MALRD1: variants seen among roughly 807,000 people sequenced by gnomAD.
MALRD1 encodes the protein MAM and LDL-receptor class A domain-containing protein 1.
MALRD1 carries 247 observed loss-of-function variants against 242.1 expected under a neutral mutation model. The observed-to-expected ratio is 1.02, with a 90% CI of 0.92 to 1.13. MALRD1 has a LOEUF of 1.13. MALRD1 is among the 50% of genes most tolerant of loss of function. The pLI, the probability that MALRD1 is intolerant of heterozygous loss-of-function variation, is 0.00. For missense variants in MALRD1, 2,989 were observed against 2,533.1 expected, an observed-to-expected ratio of 1.18 and a Z score of -3.86; for synonymous variants, 995 against 866.6, an observed-to-expected ratio of 1.15 and a Z score of -2.60.
intron 26 of MALRD1, among the ~76,000 whole-genome samples, chr10:19,386,347 G>T (rs1846071012): frequency 1.3e-5 from 2 of 151,826 alleles, no homozygotes; most frequent in East Asian, 3.9e-4. Context: ...GCAGGGTGGG[G>T]CTACCACCTT....
At chr10:19,539,897 T>TGTGTGTGTGTGTGTGTGTGC (rs1365113182) in intron 32 of MALRD1, among the ~76,000 whole-genome samples, 2 of 44,402 alleles carry the variant, frequency 4.5e-5, no homozygotes, top group African/African-American at 1.3e-4. Flanking sequence ...TGTGTGTGTG[T>TGTGTGTGTGTGTGTGTGTGC]GCGCGCGCGC....
At chr10:19,672,621 G>C (rs1352007391) in intron 36 of MALRD1, among the ~76,000 whole-genome samples, 1 of 151,742 alleles carries the variant, frequency 6.6e-6, no homozygotes, top group Non-Finnish European at 1.5e-5. Context: ...AAGGGGTTTT[G>C]CCATGTTGGC....
At chr10:19,155,690 G>T (rs1834117517) in intron 12 of MALRD1, among the ~76,000 whole-genome samples, 1 of 152,134 alleles carries the variant, frequency 6.6e-6, no homozygotes, top group South Asian at 2.1e-4. Flanking sequence ...TTCTAACTGT[G>T]GCTCAGACAA....
chr10:19,634,772 A>G (rs1450721353), intron 36 of MALRD1, among the ~76,000 whole-genome samples: 9 of 152,172 alleles, frequency 5.9e-5, no homozygotes, highest in Admixed American at 5.2e-4. Flanking sequence ...TCAGAACGCT[A>G]TAAAAACTTA....
intron 28 of MALRD1, among the ~76,000 whole-genome samples, chr10:19,391,222 G>T (rs1010706601): frequency 1.3e-5 from 2 of 152,020 alleles, no homozygotes; most frequent in East Asian, 3.9e-4. Context: ...TCTTCCTACT[G>T]TGCACACACA....
intron 31 of MALRD1, among the ~76,000 whole-genome samples, chr10:19,500,336 T>C (rs574437298): frequency 1.3e-5 from 2 of 152,298 alleles, no homozygotes; most frequent in East Asian, 3.9e-4. Context: ...ATCAAGAAAC[T>C]AAGGTCAGTA....
intron 36 of MALRD1, among the ~76,000 whole-genome samples, chr10:19,646,714 ACACT>A (rs994564703): frequency 6.6e-6 from 1 of 152,194 alleles, no homozygotes; most frequent in Non-Finnish European, 1.5e-5. Context: ...TGTATCCCTG[ACACT>A]CAAAACAGTG....
intron 29 of MALRD1, among the ~76,000 whole-genome samples, chr10:19,472,277 T>C (rs1401511781): frequency 6.6e-6 from 1 of 152,092 alleles, no homozygotes; most frequent in African/African-American, 2.4e-5. Context: ...TATGATCCTT[T>C]CAGTGTGCTG....
chr10:19,350,849 G>A (rs1245807005), intron 25 of MALRD1, among the ~76,000 whole-genome samples: 3 of 152,062 alleles, frequency 2.0e-5, no homozygotes, highest in African/African-American at 7.2e-5. Context: ...GGTGGTCCTG[G>A]GATGCTGTCT....
intron 26 of MALRD1, among the ~76,000 whole-genome samples, chr10:19,376,332 T>C (rs774125219): frequency 1.9e-4 from 29 of 152,122 alleles, no homozygotes; most frequent in Admixed American, 9.2e-4. Flanking sequence ...GTGTTGCACT[T>C]GAGTTCCTGC....
rs369523475 is a variant in MALRD1, at chr10:19,095,743, A to G, written c.597+7558A>G. Among the ~76,000 whole-genome samples, 6 of 152,252 alleles carry G rather than the reference A, an allele frequency of 3.9e-5. No homozygotes were observed. In the East Asian group the frequency reaches 1.2e-3, roughly 29 times the overall value. On this transcript the variant is annotated intron_variant, in intron 4 of 39. Transcript: ENST00000454679. ...CAATAATGTATTTAATTTGCTGTGG[A>G]TGCTCAAGTGTTATTAACCGCTGGA... is the stretch of plus-strand genomic sequence containing the variant.
intron 36 of MALRD1, among the ~76,000 whole-genome samples, chr10:19,657,523 A>C (rs1841213907): frequency 6.6e-6 from 1 of 150,952 alleles, no homozygotes; most frequent in South Asian, 2.1e-4. Context: ...TAAATTACAG[A>C]ATTGAGATTT....
At chr10:19,099,763 A>T (rs2358309) in intron 4 of MALRD1, among the ~76,000 whole-genome samples, 31,261 of 149,238 alleles carry the variant, frequency 0.21, 3,441 homozygotes, top group African/African-American at 0.26. Context: ...ATATATATAT[A>T]TTTTTTTTAA....
intron 28 of MALRD1, among the ~76,000 whole-genome samples, chr10:19,390,408 C>T (rs1589009460): frequency 6.6e-6 from 1 of 152,254 alleles, no homozygotes; most frequent in Non-Finnish European, 1.5e-5. Context: ...CACAGTAATG[C>T]ATTTTCTTAG....
chr10:19,367,761 A>C (rs1454753569), intron 26 of MALRD1, among the ~76,000 whole-genome samples: 1 of 151,928 alleles, frequency 6.6e-6, no homozygotes, highest in South Asian at 2.1e-4. Context: ...CTGCATTCTC[A>C]CCAGTATTTA....
chr10:19,665,362 C>T (rs528871231), intron 36 of MALRD1, among the ~76,000 whole-genome samples: 12 of 152,210 alleles, frequency 7.9e-5, no homozygotes, highest in African/African-American at 2.6e-4. Context: ...AGTTTCTTTG[C>T]GTAGCATCTC....
At chr10:19,467,079 G>T (rs1452255918) in intron 29 of MALRD1, among the ~76,000 whole-genome samples, 1 of 152,116 alleles carries the variant, frequency 6.6e-6, no homozygotes, top group Non-Finnish European at 1.5e-5. Context: ...TCTTGGCCAG[G>T]TGTGGTGGCT....
chr10:19,284,330 C>T lies in MALRD1; in HGVS notation c.3419+1149C>T, dbSNP rs1341773254. Among the ~76,000 whole-genome samples the T allele has an allele frequency of 2.0e-5, 3 of 151,052 alleles. No homozygotes were observed. In the East Asian group the frequency reaches 5.9e-4, roughly 30 times the overall value. On this transcript the variant is annotated intron_variant, in intron 21 of 39. Transcript: ENST00000454679. ...GTTCGTTACATATGTATACATGTGCCACGCTGGTGCGCTGCACCCACTAAC... is the reference window on the plus strand; with the variant it reads ...GTTCGTTACATATGTATACATGTGCTACGCTGGTGCGCTGCACCCACTAAC...
intron 30 of MALRD1, among the ~76,000 whole-genome samples, chr10:19,493,654 A>G (rs1837588660): frequency 6.6e-6 from 1 of 151,428 alleles, no homozygotes; most frequent in Admixed American, 6.6e-5. Flanking sequence ...CTAAAAAAAA[A>G]AAAAAAAAAA....
Sources: gnomAD v4.1 joint callset for allele counts (sites outside exome capture counted in the v4.1 genomes callset) on GRCh38, gnomAD v4.1.1 for gene constraint, MANE v1.5 for transcripts, NCBI Gene and HGNC (gene_info 2026-07-23, HGNC 2026-07-21) for gene names.